Variants in DMD observed in about 807,000 individuals in gnomAD.
DMD encodes the protein dystrophin.
In DMD, 63 loss-of-function variants were observed where a neutral mutation model predicts 330.1. That is an observed-to-expected ratio of 0.19 (90% CI 0.16 to 0.24). The LOEUF is 0.24. Among genes scored for constraint, DMD ranks in the 10% least tolerant of loss-of-function variants. DMD has a pLI of 1.00. For synonymous variants in DMD, 1,223 were observed against 959.8 expected, an observed-to-expected ratio of 1.27 and a Z score of -5.07; for missense variants, 3,344 against 2,684.1, an observed-to-expected ratio of 1.25 and a Z score of -5.43.
chrX:32,874,894 C>G (rs2149165037), intron 2 of DMD, among the ~76,000 whole-genome samples: 1 of 111,460 alleles, frequency 9.0e-6, no homozygotes, highest in East Asian at 2.8e-4. Context: ...CAGCCATTCT[C>G]ACAATGGCAT....
intron 15 of DMD, among the ~76,000 whole-genome samples, chrX:32,571,546 C>T (rs1318432721): frequency 8.9e-6 from 1 of 111,766 alleles, no homozygotes; most frequent in Non-Finnish European, 1.9e-5. Context: ...TAATGTGTCA[C>T]TCTACACAAT....
At chrX:31,491,818 C>A (rs2069332048) in intron 57 of DMD, among the ~76,000 whole-genome samples, 1 of 111,749 alleles carries the variant, frequency 8.9e-6, no homozygotes, top group Admixed American at 9.5e-5. Flanking sequence ...GAAAAGAGTA[C>A]AAGATATGTA....
intron 48 of DMD, among the ~76,000 whole-genome samples, chrX:31,859,946 C>T (rs924034344): frequency 2.7e-5 from 3 of 111,917 alleles, no homozygotes; most frequent in African/African-American, 9.7e-5. Flanking sequence ...TCAAAGCCAT[C>T]CCCTGGGCAT....
At position 32,659,263 on chromosome X, in the gene DMD, A is replaced by T. The variant is rs181809079; in HGVS notation, c.961-14111T>A. On this transcript the variant is annotated intron_variant, in intron 9 of 78. Coordinates refer to ENST00000357033, the MANE Select transcript of DMD (RefSeq NM_004006.3). The stretch of plus-strand genomic sequence containing the variant: ...TGGTTTATCCCGTTACCTTTCACAT[A>T]TATCACTAAATTCTGTGTGCTTTCT... Among the ~76,000 whole-genome samples, 423 of 111,875 alleles carry T rather than the reference A, an allele frequency of 3.8e-3. 5 individuals are homozygous for T. Among genetic ancestry groups the T allele is most frequent in the Admixed American group, 0.03 (312 of 10,498 alleles).
chrX:32,534,557 G>A (rs909745272), intron 17 of DMD, among the ~76,000 whole-genome samples: 2 of 111,190 alleles, frequency 1.8e-5, no homozygotes, highest in African/African-American at 6.6e-5. Context: ...TCTACAGCTT[G>A]CAGAACCGTG....
At chrX:32,807,553 C>A (rs192093951) in intron 7 of DMD, among the ~76,000 whole-genome samples, 37 of 111,321 alleles carry the variant, frequency 3.3e-4, no homozygotes, top group African/African-American at 1.1e-3. Flanking sequence ...TACAATGTAC[C>A]TTTCTACATA....
chrX:32,952,684 CTACTT>C (rs896851312), intron 2 of DMD, among the ~76,000 whole-genome samples: 8 of 111,624 alleles, frequency 7.2e-5, no homozygotes, highest in African/African-American at 2.6e-4. Flanking sequence ...GTGAATTTAT[CTACTT>C]TATTTTTCAG....
intron 1 of DMD, among the ~76,000 whole-genome samples, chrX:33,168,545 C>T (rs776774702): frequency 1.4e-4 from 15 of 109,349 alleles, no homozygotes; most frequent in East Asian, 5.7e-4. Context: ...TATTTAGAAA[C>T]GTCAAGGAAA....
chrX:32,512,489 A>C (rs2045440956), intron 18 of DMD, among the ~76,000 whole-genome samples: 1 of 112,491 alleles, frequency 8.9e-6, no homozygotes, highest in Non-Finnish European at 1.9e-5. Flanking sequence ...TTAAACATTT[A>C]TTGGTTTGTG....
intron 17 of DMD, among the ~76,000 whole-genome samples, chrX:32,526,432 T>A (rs1259903369): frequency 9.0e-6 from 1 of 111,210 alleles, no homozygotes; most frequent in Non-Finnish European, 1.9e-5. Context: ...GATTTTTTTT[T>A]TTCTTGGCAA....
chrX:31,962,027 G>C (rs944349573), intron 45 of DMD, among the ~76,000 whole-genome samples: 1 of 110,861 alleles, frequency 9.0e-6, no homozygotes, highest in Non-Finnish European at 1.9e-5. Context: ...ATCTGATCTA[G>C]AGTAAGGACT....
chrX:32,636,208 C>A, intron 11 of DMD, among the ~76,000 whole-genome samples: 1 of 112,157 alleles, frequency 8.9e-6, no homozygotes, highest in Non-Finnish European at 1.9e-5. Context: ...AGTATGCTGA[C>A]ATCTTGGGCT....
At chrX:31,196,819 CAAAAAAAAAAAAAAAAAAAAAAAAAAAAA>C (rs59602681) in intron 67 of DMD, among the ~76,000 whole-genome samples, 10 of 24,701 alleles carry the variant, frequency 4.0e-4, no homozygotes, top group East Asian at 3.3e-3. Context: ...GACTCTGTCT[CAAAAAAAAAAAAAAAAAAAAAAAAAAAAA>C]AAAAAAAAAA....
chrX:31,928,367 G>A (rs1255872064), intron 47 of DMD, among the ~76,000 whole-genome samples: 1 of 111,618 alleles, frequency 9.0e-6, no homozygotes, highest in Non-Finnish European at 1.9e-5. Context: ...GACTTTGGGA[G>A]TCCAAGGTGG....
chrX:31,792,768 G>A (rs2091635993), intron 50 of DMD, among the ~76,000 whole-genome samples: 1 of 111,514 alleles, frequency 9.0e-6, no homozygotes, highest in African/African-American at 3.3e-5. Context: ...TGCGACCCCT[G>A]AAGCCCCAGA....
intron 67 of DMD, among the ~76,000 whole-genome samples, chrX:31,186,931 G>A (rs1169026506): frequency 8.9e-6 from 1 of 112,325 alleles, no homozygotes; most frequent in Non-Finnish European, 1.9e-5. Flanking sequence ...AACATCCTTA[G>A]AAGGTGATCC....
intron 56 of DMD, among the ~76,000 whole-genome samples, chrX:31,499,486 G>GTTTTTTTTTTTTTTTTTTTTTTTTTTTT (rs2070208408): frequency 1.3e-5 from 1 of 78,086 alleles, no homozygotes; most frequent in African/African-American, 5.2e-5. Flanking sequence ...AGGGAATTCA[G>GTTTTTTTTTTTTTTTTTTTTTTTTTTTT]TTCTTTTTTT....
intron 12 of DMD, among the ~76,000 whole-genome samples, chrX:32,601,100 G>A (rs766759906): frequency 2.3e-4 from 25 of 110,855 alleles, no homozygotes; most frequent in Admixed American, 9.6e-5. Flanking sequence ...CCTCTACACT[G>A]GGCTAGGCTC....
At chrX:32,641,066 C>T (rs1432791492) in intron 11 of DMD, among the ~76,000 whole-genome samples, 1 of 111,318 alleles carries the variant, frequency 9.0e-6, no homozygotes, top group Admixed American at 9.6e-5. Context: ...GTGAACCACA[C>T]TTCCTTGTGA....
Sources: allele counts gnomAD v4.1 joint callset (sites outside exome capture counted in the v4.1 genomes callset), GRCh38; gene constraint gnomAD v4.1.1; transcripts MANE v1.5; gene names NCBI Gene and HGNC (gene_info 2026-07-23, HGNC 2026-07-21).